The following CDH17 variants were observed in gnomAD, a reference collection of about 807,000 sequenced individuals.
CDH17 encodes the protein cadherin-17.
In CDH17, 67 loss-of-function variants were observed where a neutral mutation model predicts 86.3. That is an observed-to-expected ratio of 0.78 (90% CI 0.64 to 0.95). The LOEUF (loss-of-function observed/expected upper bound fraction) is 0.95, where lower values mean the gene tolerates loss of function less well. Ranked by LOEUF, CDH17 falls within the 40% of genes least tolerant of loss-of-function variation. The probability of loss-of-function intolerance (pLI) is 0.00; values close to 1 mark genes in which losing one functional copy is unlikely to be tolerated. For synonymous variants in CDH17, 367 were observed against 366.4 expected (o/e 1.00, Z -0.02); for missense variants, 993 against 1,017.6 (o/e 0.98, Z 0.33).
rs74693665 is a variant in CDH17 at position 94,166,978 on chromosome 8, C to A, written c.1067-1002G>T. On this transcript the variant is annotated intron_variant, in intron 9 of 17. Transcript: ENST00000027335. ...AAAAGATTTCTGTTGTTTTAAGTCA[C>A]CAAATTGGTGGTGATTTGTTGCTGT... Among the ~76,000 whole-genome samples the A allele has an allele frequency of 4.4e-3, 665 of 152,238 alleles. 6 individuals carry two copies. The highest frequency in any genetic ancestry group is 0.015 in the African/African-American group (639 of 41,540).
Position 94,194,717 on chromosome 8 carries a change from C to G in CDH17, c.-20-12G>C, listed in dbSNP as rs181105626. The G allele has an allele frequency of 3.4e-6, 5 of 1,482,982 alleles. No homozygotes were observed. The highest frequency in any genetic ancestry group is 1.7e-4 in the Middle Eastern group (1 of 5,788). 91.9% of individuals were successfully genotyped at this position (1,482,982 alleles called of 1,614,324 possible). ...CTTTATTCAAATTCCTGTGAAGGAACCAGATAAAAAAATGGTTAGTTACCA... is the reference window on the plus strand; with the variant it reads ...CTTTATTCAAATTCCTGTGAAGGAAGCAGATAAAAAAATGGTTAGTTACCA... On this transcript the variant is annotated splice_polypyrimidine_tract_variant and intron_variant, in intron 1 of 17. Transcript: ENST00000027335.
At chr8:94,159,486 G>A (rs1366154190) in intron 12 of CDH17, among the ~76,000 whole-genome samples, 3 of 152,128 alleles carry the variant, frequency 2.0e-5, no homozygotes, top group Non-Finnish European at 2.9e-5. Context: ...AAGGCCCATG[G>A]GGTCATCCAA....
chr8:94,201,319 C>A (rs1477493928), intron 1 of CDH17, among the ~76,000 whole-genome samples: 1 of 152,144 alleles, frequency 6.6e-6, no homozygotes, highest in Non-Finnish European at 1.5e-5. Flanking sequence ...CTCCCTCCCC[C>A]TCAAAAAGCA....
At chr8:94,165,716 A>C in intron 10 of CDH17, 45 bp downstream of exon 10, 2 of 1,268,848 alleles carry the variant, frequency 1.6e-6, no homozygotes, top group Non-Finnish European at 2.3e-6. Flanking sequence ...CATAGCTAGA[A>C]GGAAAACAAT....
At position 94,194,713 on chromosome 8, in the gene CDH17, G is replaced by T. The variant is rs201121541; in HGVS notation, c.-20-8C>A. 49 of 1,511,398 alleles carry T rather than the reference G, an allele frequency of 3.2e-5. No homozygotes were observed. In the East Asian group the frequency reaches 1.1e-3, roughly 33 times the overall value. The allele number at this position is 1,511,398 out of a possible 1,614,324, so 93.6% of individuals were successfully genotyped here. A position where few individuals can be genotyped will look rare whatever the true frequency, so the allele number is the denominator to read the frequency against. On this transcript the variant is annotated splice_region_variant and splice_polypyrimidine_tract_variant and intron_variant, in intron 1 of 17. Transcript: ENST00000027335. ...TTTTCTTTATTCAAATTCCTGTGAA[G>T]GAACCAGATAAAAAAATGGTTAGTT...
intron 17 of CDH17, among the ~76,000 whole-genome samples, chr8:94,129,181 T>TA (rs1563561198): frequency 6.6e-6 from 1 of 152,138 alleles, no homozygotes; most frequent in Non-Finnish European, 1.5e-5. Flanking sequence ...ATTAAATTGA[T>TA]ACGTTAAGAA....
chr8:94,210,009 T>C (rs1019790443), upstream of CDH17, among the ~76,000 whole-genome samples: 1 of 152,060 alleles, frequency 6.6e-6, no homozygotes, highest in Non-Finnish European at 1.5e-5. Flanking sequence ...CATGTTGGTA[T>C]ATCAATTAAA....
At chr8:94,143,317 C>T (rs1812673629) in intron 15 of CDH17, among the ~76,000 whole-genome samples, 1 of 152,136 alleles carries the variant, frequency 6.6e-6, no homozygotes, top group Non-Finnish European at 1.5e-5. Flanking sequence ...CAACAGTGGC[C>T]TTAAAGTATT....
At chr8:94,170,771 A>C in intron 8 of CDH17, 83 bp downstream of exon 8, 2 of 1,494,888 alleles carry the variant, frequency 1.3e-6, no homozygotes, top group Non-Finnish European at 9.0e-7. Context: ...TTTTTTCTTT[A>C]AAGTAAAATC....
chr8:94,133,633 A>T (rs191181251), intron 15 of CDH17, among the ~76,000 whole-genome samples: 1 of 152,264 alleles, frequency 6.6e-6, no homozygotes, highest in East Asian at 1.9e-4. Context: ...TCTTTTCCTA[A>T]TTGAATACCC....
intron 15 of CDH17, among the ~76,000 whole-genome samples, chr8:94,139,719 A>G (rs763455149): frequency 1.4e-4 from 22 of 152,176 alleles, no homozygotes; most frequent in East Asian, 1.2e-3. Flanking sequence ...TCTGGCCAAC[A>G]TGGAAAAACC....
At chr8:94,206,486 A>G (rs1814029208) in intron 1 of CDH17, among the ~76,000 whole-genome samples, 1 of 152,222 alleles carries the variant, frequency 6.6e-6, no homozygotes, top group South Asian at 2.1e-4. Flanking sequence ...GTCGGCCTCC[A>G]GAGCAAGGAG....
At chr8:94,214,087 C>T (rs1403729087) in intron 1 of CDH17, among the ~76,000 whole-genome samples, 1 of 152,130 alleles carries the variant, frequency 6.6e-6, no homozygotes, top group Non-Finnish European at 1.5e-5. Flanking sequence ...CCAAGGTGTC[C>T]CATGTGCACA....
At chr8:94,133,839 C>T (rs1165151146) in intron 15 of CDH17, among the ~76,000 whole-genome samples, 2 of 152,126 alleles carry the variant, frequency 1.3e-5, no homozygotes, top group Non-Finnish European at 2.9e-5. Flanking sequence ...TCCATCAATA[C>T]CTACTTTATT....
chr8:94,168,889 G>A (rs888635783), intron 9 of CDH17, among the ~76,000 whole-genome samples: 1 of 151,992 alleles, frequency 6.6e-6, no homozygotes, highest in Non-Finnish European at 1.5e-5. Context: ...TCCAAGATTA[G>A]GTCATAGAAA....
chr8:94,134,367 C>T, intron 15 of CDH17, among the ~76,000 whole-genome samples: 1 of 152,134 alleles, frequency 6.6e-6, no homozygotes, highest in Non-Finnish European at 1.5e-5. Context: ...TCAACTTCTT[C>T]CTGGTTCAGT....
chr8:94,165,939 A>T lies in CDH17; in HGVS notation c.1104T>A (p.Asp368Glu), dbSNP rs1813144450. The change falls in exon 10 of 18, where the codon GAT becomes GAA. Residue 368 changes from aspartate to glutamate, a missense_variant. Asp to Glu is a conservative substitution (Grantham distance 45). Transcript: ENST00000027335. ...SIGTLTAHDR[D>E]EENTANSFLN... ...GAAAACTGTTGGCAGTATTTTCTTC[A>T]TCCCTGTCATGTGCAGTAAGGGTCC... 6.2e-7 allele frequency: 1 copy of T among 1,613,862 alleles called. No individual in the cohort carries two copies. The highest frequency in any genetic ancestry group is 1.3e-5 in the African/African-American group (1 of 75,018).
chr8:94,203,657 C>A (rs1813965216), intron 1 of CDH17, among the ~76,000 whole-genome samples: 1 of 152,178 alleles, frequency 6.6e-6, no homozygotes. Context: ...AAGCATCTGA[C>A]CAATTTGCAC....
chr8:94,158,550 C>T (rs965083393), intron 12 of CDH17, among the ~76,000 whole-genome samples: 3 of 152,188 alleles, frequency 2.0e-5, no homozygotes, highest in Non-Finnish European at 4.4e-5. Flanking sequence ...AAGCTGCCCC[C>T]GTCACCTGCA....
Sources: gnomAD v4.1 joint callset for allele counts (sites outside exome capture counted in the v4.1 genomes callset) on GRCh38, gnomAD v4.1.1 for gene constraint, MANE v1.5 for transcripts, NCBI Gene and HGNC (gene_info 2026-07-23, HGNC 2026-07-21) for gene names.